Variants in HTR2C observed in about 807,000 individuals in gnomAD.
HTR2C encodes 5-hydroxytryptamine receptor 2C, also known as 5-hydroxytryptamine (serotonin) receptor 2C, G protein-coupled.
Under a neutral mutation model 21.0 loss-of-function variants are expected in HTR2C, and 5 were observed. That is an observed-to-expected ratio of 0.24 (90% confidence interval 0.12 to 0.50). The LOEUF (loss-of-function observed/expected upper bound fraction) is 0.50, where lower values mean the gene tolerates loss of function less well. Among genes scored for constraint, HTR2C ranks in the 20% least tolerant of loss-of-function variants. HTR2C has a pLI of 0.98. For synonymous variants in HTR2C, 150 were observed against 145.3 expected, an observed-to-expected ratio of 1.03 and a Z score of -0.23; for missense variants, 271 against 371.2, an observed-to-expected ratio of 0.73 and a Z score of 2.22.
At chrX:114,625,223 C>T (rs1012727560) in intron 2 of HTR2C, among the ~76,000 whole-genome samples, 1 of 111,580 alleles carries the variant, frequency 9.0e-6, no homozygotes. Context: ...CAGATGCTGG[C>T]ACTATGCTTC....
chrX:114,731,356 T>C lies in HTR2C; in HGVS notation c.98T>C (p.Ile33Thr), dbSNP rs782499464. The C allele has an allele frequency of 2.6e-5, 31 of 1,207,778 alleles. No individual in the cohort carries two copies. The highest frequency in any genetic ancestry group is 3.1e-5 in the Non-Finnish European group (28 of 891,989). The change falls in exon 4 of 6, where the codon ATA (isoleucine) becomes ACA (threonine). Residue 33 changes from isoleucine to threonine, a missense_variant. Coordinates refer to ENST00000276198, the MANE Select transcript of HTR2C (RefSeq NM_000868.4). ...ATTTCTGTGAGCCCAGTAGCAGCTA[T>C]AGTAACTGACATTTTCAATACCTCC... ...SDISVSPVAAIVTDIFNTSDG... is the reference protein window; with the variant it reads ...SDISVSPVAATVTDIFNTSDG...
intron 5 of HTR2C, among the ~76,000 whole-genome samples, chrX:114,877,376 T>G (rs781816694): frequency 1.5e-4 from 17 of 111,079 alleles, no homozygotes; most frequent in African/African-American, 5.5e-4. Context: ...TTGTCCATTT[T>G]ATTTATCTTT....
rs782085532 is a variant in HTR2C, at chrX:114,746,984, CA to C, written c.349+15386del. Among the ~76,000 whole-genome samples, 8 of 106,085 alleles carry C rather than the reference CA, an allele frequency of 7.5e-5. No individual in the cohort carries two copies. The Admixed American group carries it at 8.1e-4, about 11-fold the overall frequency. 92.1% of individuals were successfully genotyped at this position (106,085 alleles called of 115,157 possible). A position where few individuals can be genotyped will look rare whatever the true frequency, so the allele number is the denominator to read the frequency against. On this transcript the variant is annotated intron_variant, in intron 4 of 5. Coordinates refer to ENST00000276198, the MANE Select transcript of HTR2C (RefSeq NM_000868.4). ...TGGGCGACAGAGCGAGACTCCGTCT[CA>C]AAAAAAAAGAAAGAGAGAGAGAGAA...
At chrX:114,698,077 T>A (rs1932332602) in intron 2 of HTR2C, among the ~76,000 whole-genome samples, 2 of 112,357 alleles carry the variant, frequency 1.8e-5, no homozygotes, top group South Asian at 7.4e-4. Flanking sequence ...CATGCTCTGC[T>A]CCTACAGGCA....
chrX:114,707,113 A>G (rs1932786893), intron 2 of HTR2C, among the ~76,000 whole-genome samples: 1 of 112,165 alleles, frequency 8.9e-6, no homozygotes, highest in Non-Finnish European at 1.9e-5. Context: ...TCAACTGAGA[A>G]CAAAATTCTA....
chrX:114,890,521 T>C (rs782344629), intron 5 of HTR2C, among the ~76,000 whole-genome samples: 1 of 112,414 alleles, frequency 8.9e-6, no homozygotes, highest in East Asian at 2.8e-4. Flanking sequence ...CCACTAACAT[T>C]TCTCATAGTG....
At chrX:114,695,122 A>T (rs1280672710) in intron 2 of HTR2C, among the ~76,000 whole-genome samples, 2 of 112,038 alleles carry the variant, frequency 1.8e-5, no homozygotes, top group African/African-American at 3.2e-5. Flanking sequence ...CTAACTTATT[A>T]AGGCTTGTAG....
chrX:114,789,601 T>G (rs1278918564), intron 4 of HTR2C, among the ~76,000 whole-genome samples: 1 of 110,956 alleles, frequency 9.0e-6, no homozygotes, highest in African/African-American at 3.3e-5. Flanking sequence ...TAACGACCTC[T>G]GAAAATTAAA....
At chrX:114,699,306 C>T (rs1355684381) in intron 2 of HTR2C, among the ~76,000 whole-genome samples, 1 of 111,678 alleles carries the variant, frequency 9.0e-6, no homozygotes, top group Non-Finnish European at 1.9e-5. Context: ...CTTTCAGGTT[C>T]CAGTTAATTG....
chrX:114,859,093 A>G (rs1245904038), intron 5 of HTR2C, among the ~76,000 whole-genome samples: 1 of 110,405 alleles, frequency 9.1e-6, no homozygotes, highest in Admixed American at 9.7e-5. Flanking sequence ...ATCCATTCCA[A>G]TGAGAGATTT....
chrX:114,630,941 C>T (rs782066145), intron 2 of HTR2C: 5 of 310,447 alleles, frequency 1.6e-5, no homozygotes, highest in Non-Finnish European at 2.5e-5. Flanking sequence ...GGTCCTATGA[C>T]CTGCCTAAAA....
intron 2 of HTR2C, among the ~76,000 whole-genome samples, chrX:114,632,075 C>A (rs782784412): frequency 2.7e-5 from 3 of 112,105 alleles, no homozygotes; most frequent in Non-Finnish European, 3.8e-5. Context: ...AGTCAGCCAT[C>A]AATTTTTGTA....
chrX:114,822,282 G>A (rs890292185), intron 4 of HTR2C, among the ~76,000 whole-genome samples: 4 of 112,009 alleles, frequency 3.6e-5, no homozygotes, highest in Non-Finnish European at 3.8e-5. Flanking sequence ...TGCTTAATGT[G>A]ATAAAGTAAA....
At chrX:114,776,729 G>C (rs1163838317) in intron 4 of HTR2C, 4 of 429,263 alleles carry the variant, frequency 9.3e-6, no homozygotes, top group Non-Finnish European at 1.8e-5. Context: ...ACCCACACAA[G>C]AGTATGCAGT....
chrX:114,697,711 C>G (rs1373933780), intron 2 of HTR2C, among the ~76,000 whole-genome samples: 1 of 112,404 alleles, frequency 8.9e-6, no homozygotes, highest in East Asian at 2.8e-4. Context: ...TGAGACTGTA[C>G]TTTTTGCTTA....
At chrX:114,784,059 G>A (rs1367672723) in intron 4 of HTR2C, among the ~76,000 whole-genome samples, 2 of 106,737 alleles carry the variant, frequency 1.9e-5, no homozygotes. Context: ...AAATAGAATG[G>A]AGACAATGAT....
At chrX:114,812,138 T>C (rs1322478604) in intron 4 of HTR2C, among the ~76,000 whole-genome samples, 1 of 108,343 alleles carries the variant, frequency 9.2e-6, no homozygotes, top group Non-Finnish European at 1.9e-5. Context: ...TGTTTTTCCC[T>C]CCCTGTGTCC....
chrX:114,735,396 A>T (rs1418521882), intron 4 of HTR2C, among the ~76,000 whole-genome samples: 1 of 111,612 alleles, frequency 9.0e-6, no homozygotes, highest in Non-Finnish European at 1.9e-5. Context: ...TAACAAAGGG[A>T]TGACTGGGAA....
chrX:114,900,176 CA>C (rs1302726144), intron 5 of HTR2C, among the ~76,000 whole-genome samples: 13 of 109,378 alleles, frequency 1.2e-4, no homozygotes, highest in East Asian at 2.9e-4. Flanking sequence ...CTGCCACATG[CA>C]AAAAAAAGGG....
Sources: allele counts gnomAD v4.1 joint callset (sites outside exome capture counted in the v4.1 genomes callset), GRCh38; gene constraint gnomAD v4.1.1; transcripts MANE v1.5; gene names NCBI Gene and HGNC (gene_info 2026-07-23, HGNC 2026-07-21).